The following LINGO2 variants were observed in gnomAD, a reference collection of about 807,000 sequenced individuals.
The protein encoded by LINGO2 is leucine-rich repeat and immunoglobulin-like domain-containing nogo receptor-interacting protein 2.
LINGO2 carries 14 observed loss-of-function variants against 30.6 expected under a neutral mutation model. That is an observed-to-expected ratio of 0.46 (90% CI 0.30 to 0.72). The LOEUF (loss-of-function observed/expected upper bound fraction) is 0.72, where lower values mean the gene tolerates loss of function less well. Among genes scored for constraint, LINGO2 ranks in the 30% least tolerant of loss-of-function variants. The pLI, the probability that LINGO2 is intolerant of heterozygous loss-of-function variation, is 0.07. For missense variants in LINGO2, 729 were observed against 751.7 expected, an observed-to-expected ratio of 0.97 and a Z score of 0.35; for synonymous variants, 317 against 288.5, an observed-to-expected ratio of 1.10 and a Z score of -1.00.
At chr9:28,695,027 T>C in the LINGO2 span, among the ~76,000 whole-genome samples, 1 of 148,442 alleles carries the variant, frequency 6.7e-6, no homozygotes, top group Non-Finnish European at 1.5e-5. Context: ...GTCAGGACAT[T>C]TTACCTGCCC....
chr9:28,501,555 C>T (rs931930077), intron 1 of LINGO2, among the ~76,000 whole-genome samples: 8 of 152,134 alleles, frequency 5.3e-5, no homozygotes, highest in African/African-American at 1.9e-4. Flanking sequence ...TCAGTGACCA[C>T]TGTAATGTGA....
chr9:28,838,676 C>T, the LINGO2 span, among the ~76,000 whole-genome samples: 1 of 152,200 alleles, frequency 6.6e-6, no homozygotes, highest in Non-Finnish European at 1.5e-5. Context: ...GACATATTCT[C>T]ACAGGATCCT....
the LINGO2 span, among the ~76,000 whole-genome samples, chr9:28,717,674 A>T: frequency 1.3e-5 from 2 of 152,096 alleles, no homozygotes; most frequent in African/African-American, 4.8e-5. Flanking sequence ...CCCACTCAAA[A>T]TTATAAAGTA....
intron 5 of LINGO2, among the ~76,000 whole-genome samples, chr9:27,986,669 G>T (rs758364857): frequency 6.6e-6 from 1 of 151,858 alleles, no homozygotes; most frequent in Non-Finnish European, 1.5e-5. Flanking sequence ...ATCATGGCTG[G>T]AGTATCAGGG....
At chr9:28,009,497 CTA>C (rs1822447033) in intron 5 of LINGO2, among the ~76,000 whole-genome samples, 1 of 151,796 alleles carries the variant, frequency 6.6e-6, no homozygotes, top group Non-Finnish European at 1.5e-5. Context: ...TGTAAGAAGA[CTA>C]TATATAGAAC....
chr9:28,704,996 A>C, the LINGO2 span, among the ~76,000 whole-genome samples: 238 of 152,150 alleles, frequency 1.6e-3, 2 homozygotes, highest in African/African-American at 5.6e-3. Context: ...AGATCACTGC[A>C]ATCTCTGCCT....
chr9:28,146,553 G>A (rs1564001134), intron 4 of LINGO2, among the ~76,000 whole-genome samples: 1 of 125,676 alleles, frequency 8.0e-6, no homozygotes, highest in Non-Finnish European at 1.8e-5. Flanking sequence ...TTACTTAAGT[G>A]GTAAAAATCT....
intron 2 of LINGO2, among the ~76,000 whole-genome samples, chr9:28,378,367 T>C (rs779957744): frequency 2.2e-4 from 33 of 152,140 alleles, no homozygotes; most frequent in Admixed American, 3.9e-4. Flanking sequence ...TATCAGAGGG[T>C]TGTGAAACTC....
At chr9:28,629,327 T>C (rs936099891) in intron 1 of LINGO2, among the ~76,000 whole-genome samples, 1 of 152,104 alleles carries the variant, frequency 6.6e-6, no homozygotes, top group African/African-American at 2.4e-5. Context: ...TACTTAAATG[T>C]ATTCTTTGGT....
chr9:28,671,564 T>C (rs901395482), upstream of LINGO2, among the ~76,000 whole-genome samples: 2 of 149,540 alleles, frequency 1.3e-5, no homozygotes, highest in Non-Finnish European at 3.0e-5. Context: ...TACCACATGT[T>C]CTCACTTATA....
chr9:28,599,198 AAC>A (rs1825349004), intron 1 of LINGO2: 1 of 152,144 alleles, frequency 6.6e-6, no homozygotes, highest in Non-Finnish European at 1.5e-5. Context: ...CTCTGCCAAC[AAC>A]TCCTCCATCT....
the LINGO2 span, among the ~76,000 whole-genome samples, chr9:28,818,180 C>T: frequency 2.0e-5 from 3 of 152,148 alleles, no homozygotes; most frequent in South Asian, 2.1e-4. Flanking sequence ...ATCATACATG[C>T]AGTTCATTAG....
intron 4 of LINGO2, among the ~76,000 whole-genome samples, chr9:28,283,739 T>C (rs1823407682): frequency 6.6e-6 from 1 of 152,170 alleles, no homozygotes; most frequent in Non-Finnish European, 1.5e-5. Flanking sequence ...AGAGTACACA[T>C]ACCTTTGTAT....
the LINGO2 span, among the ~76,000 whole-genome samples, chr9:28,698,327 T>C: frequency 3.3e-5 from 5 of 152,088 alleles, no homozygotes; most frequent in African/African-American, 1.2e-4. Flanking sequence ...TACATCCTTC[T>C]AAGTTAGAAT....
At chr9:28,434,364 G>T (rs193093866) in intron 2 of LINGO2, among the ~76,000 whole-genome samples, 45 of 149,296 alleles carry the variant, frequency 3.0e-4, no homozygotes, top group African/African-American at 1.1e-3. Flanking sequence ...AAAAAAAAGA[G>T]AGAAGAGTCT....
chr9:29,029,578 G>A, the LINGO2 span, among the ~76,000 whole-genome samples: 1 of 152,148 alleles, frequency 6.6e-6, no homozygotes, highest in East Asian at 1.9e-4. Context: ...GTTTGATAGA[G>A]GATGAGAAAA....
chr9:28,137,562 T>A (rs1403123607), intron 4 of LINGO2, among the ~76,000 whole-genome samples: 1 of 152,064 alleles, frequency 6.6e-6, no homozygotes, highest in Non-Finnish European at 1.5e-5. Flanking sequence ...CCTGGAAACA[T>A]GAACCTTGTA....
At chr9:28,311,642 C>T (rs566599648) in intron 3 of LINGO2, among the ~76,000 whole-genome samples, 1 of 152,304 alleles carries the variant, frequency 6.6e-6, no homozygotes, top group East Asian at 1.9e-4. Context: ...GGCTCACTGG[C>T]AGTCAGAGTT....
At chr9:28,979,774 G>A in the LINGO2 span, among the ~76,000 whole-genome samples, 79 of 152,172 alleles carry the variant, frequency 5.2e-4, 2 homozygotes, top group South Asian at 0.012. Context: ...CCATTGAATC[G>A]TGTGCTGGAC....
Sources: gnomAD v4.1 joint callset for allele counts (sites outside exome capture counted in the v4.1 genomes callset) on GRCh38, gnomAD v4.1.1 for gene constraint, MANE v1.5 for transcripts, NCBI Gene and HGNC (gene_info 2026-07-23, HGNC 2026-07-21) for gene names.